Variants in ATG7 observed in about 807,000 individuals in gnomAD.
The protein encoded by ATG7 is autophagy related 7.
Under a neutral mutation model 82.4 loss-of-function variants are expected in ATG7, and 70 were observed. That is an observed-to-expected ratio of 0.85 (90% confidence interval 0.70 to 1.04). ATG7 has a LOEUF of 1.04. Among genes scored for constraint, ATG7 ranks in the 50% least tolerant of loss-of-function variants. The probability of loss-of-function intolerance (pLI) is 0.00; values close to 1 mark genes in which losing one functional copy is unlikely to be tolerated. For missense variants in ATG7, 792 were observed against 864.3 expected, an observed-to-expected ratio of 0.92 and a Z score of 1.05; for synonymous variants, 287 against 313.0, an observed-to-expected ratio of 0.92 and a Z score of 0.88.
At chr3:11,356,768 G>A (rs1366825051) in intron 14 of ATG7, among the ~76,000 whole-genome samples, 3 of 151,916 alleles carry the variant, frequency 2.0e-5, no homozygotes, top group Admixed American at 1.3e-4. Context: ...TGCTTATTAC[G>A]GCATTTGGTA....
chr3:11,309,040 G>A lies in ATG7; in HGVS notation c.390G>A (p.Lys130=). 6.2e-7 allele frequency: 1 copy of A among 1,613,968 alleles called. No homozygotes were observed. Among genetic ancestry groups the A allele is most frequent in the Non-Finnish European group, 8.5e-7 (1 of 1,179,826 alleles). The change falls in exon 7 of 21, where the codon AAG becomes AAA. Residue 130 remains lysine, a synonymous_variant. Coordinates refer to ENST00000693202, the MANE Select transcript of ATG7 (RefSeq NM_001349232.2). ...TALENPVLLN[K]FLLLTFADLK... Reference sequence around the variant, plus strand: ...TTGAAAACCCTGTACTCCTCAACAAGTTCCTCCTCTTGACATTTGCAGTAA... The same window carrying A: ...TTGAAAACCCTGTACTCCTCAACAAATTCCTCCTCTTGACATTTGCAGTAA...
chr3:11,547,210 C>T (rs886828751), intron 20 of ATG7, among the ~76,000 whole-genome samples: 3 of 152,198 alleles, frequency 2.0e-5, no homozygotes, highest in Admixed American at 6.5e-5. Flanking sequence ...CCTCTTCCTT[C>T]GCCCTTGCTA....
intron 19 of ATG7, among the ~76,000 whole-genome samples, chr3:11,395,900 A>G (rs1284863235): frequency 7.3e-6 from 1 of 137,862 alleles, no homozygotes; most frequent in African/African-American, 2.7e-5. Flanking sequence ...AGGTCACACC[A>G]CTATACTCCA....
intron 1 of ATG7, among the ~76,000 whole-genome samples, chr3:11,277,631 A>G (rs548185841): frequency 5.9e-5 from 9 of 152,336 alleles, no homozygotes; most frequent in Admixed American, 3.3e-4. Context: ...CAAAGATCAC[A>G]TGCTTCTGAG....
chr3:11,477,496 G>A (rs796161272), intron 20 of ATG7, among the ~76,000 whole-genome samples: 3 of 152,268 alleles, frequency 2.0e-5, no homozygotes, highest in African/African-American at 7.2e-5. Context: ...TATATAAATT[G>A]ATACAGGATG....
chr3:11,433,638 C>T (rs1255647235), intron 20 of ATG7, among the ~76,000 whole-genome samples: 1 of 152,166 alleles, frequency 6.6e-6, no homozygotes, highest in East Asian at 1.9e-4. Context: ...TACTTCATTC[C>T]TATTCATGAA....
intron 19 of ATG7, among the ~76,000 whole-genome samples, chr3:11,392,652 G>A (rs1232409947): frequency 2.0e-5 from 3 of 152,146 alleles, no homozygotes; most frequent in East Asian, 1.9e-4. Flanking sequence ...CTCTTGGAGG[G>A]CCTGGGATGG....
At chr3:11,457,392 C>T (rs1157843819) in intron 20 of ATG7, among the ~76,000 whole-genome samples, 4 of 152,080 alleles carry the variant, frequency 2.6e-5, no homozygotes, top group African/African-American at 9.7e-5. Flanking sequence ...TAATGACACA[C>T]ACAAGATAGA....
intron 20 of ATG7, among the ~76,000 whole-genome samples, chr3:11,507,777 A>G (rs2091819460): frequency 6.6e-6 from 1 of 152,130 alleles, no homozygotes; most frequent in Non-Finnish European, 1.5e-5. Flanking sequence ...TTTTAAGTCC[A>G]CACTCTAGAT....
chr3:11,546,475 T>C (rs916515156), intron 20 of ATG7, among the ~76,000 whole-genome samples: 3 of 152,230 alleles, frequency 2.0e-5, no homozygotes, highest in African/African-American at 7.2e-5. Context: ...CCCAGCCTTA[T>C]TTTAAATGTT....
intron 20 of ATG7, among the ~76,000 whole-genome samples, chr3:11,491,696 G>A (rs2153048229): frequency 6.6e-6 from 1 of 152,262 alleles, no homozygotes; most frequent in East Asian, 1.9e-4. Context: ...TAACAGACAG[G>A]ACCCTCAGCT....
intron 19 of ATG7, among the ~76,000 whole-genome samples, chr3:11,395,532 C>T (rs889564599): frequency 3.9e-5 from 6 of 152,140 alleles, no homozygotes; most frequent in Non-Finnish European, 1.5e-5. Flanking sequence ...GAATGATGGT[C>T]AGGCTTACAG....
At position 11,337,323 on chromosome 3, in the gene ATG7, C is replaced by T. The variant is rs976234510; in HGVS notation, c.890-3322C>T. ...CAAAAATTAGCTGGGCATGGTGGTG[C>T]GCACCTGTAGTCGCAGCTACTCAGG... On this transcript the variant is annotated intron_variant, in intron 11 of 20. Coordinates refer to ENST00000693202, the MANE Select transcript of ATG7 (RefSeq NM_001349232.2). 2.6e-5 allele frequency among the ~76,000 whole-genome samples: 4 copies of T among 152,054 alleles called. No individual in the cohort carries two copies. The South Asian group carries it at 6.2e-4, about 24-fold the overall frequency.
chr3:11,299,469 G>A, intron 5 of ATG7, 53 bp downstream of exon 5: 1 of 1,529,330 alleles, frequency 6.5e-7, no homozygotes, highest in Non-Finnish European at 9.1e-7. Context: ...TTTTGGCAAG[G>A]AATAAGCATG....
chr3:11,399,099 G>A (rs1553643038), intron 19 of ATG7, among the ~76,000 whole-genome samples: 1 of 152,176 alleles, frequency 6.6e-6, no homozygotes. Flanking sequence ...TGTAATCCCA[G>A]CACTTGGGGA....
chr3:11,512,113 A>G (rs186194398), intron 20 of ATG7, among the ~76,000 whole-genome samples: 26 of 152,294 alleles, frequency 1.7e-4, no homozygotes, highest in Admixed American at 1.6e-3. Flanking sequence ...GGGAGGTGCC[A>G]AGAGCAAGCG....
chr3:11,417,814 T>A (rs1193096175), intron 19 of ATG7, among the ~76,000 whole-genome samples: 2 of 38,602 alleles, frequency 5.2e-5, no homozygotes, highest in African/African-American at 1.3e-4. Flanking sequence ...TATTTTATTT[T>A]ATTTTTTTTT....
chr3:11,441,532 G>A (rs1358329617), intron 20 of ATG7, among the ~76,000 whole-genome samples: 5 of 151,864 alleles, frequency 3.3e-5, no homozygotes, highest in African/African-American at 7.3e-5. Flanking sequence ...GTGAGTCACC[G>A]CAACCAGCCT....
chr3:11,340,642 A>G lies in ATG7; in HGVS notation c.890-3A>G, dbSNP rs1428435088. 6.2e-7 allele frequency: 1 copy of G among 1,612,596 alleles called. No homozygotes were observed. The highest frequency in any genetic ancestry group is 8.5e-7 in the Non-Finnish European group (1 of 1,179,056). ...TTAAACTTTGTGTTTTATTTGCCTT[A>G]AGATTGTCCTAAAGCAGTTGGATGG... On this transcript the variant is annotated splice_polypyrimidine_tract_variant and splice_region_variant and intron_variant, in intron 11 of 20. Coordinates refer to ENST00000693202, the MANE Select transcript of ATG7 (RefSeq NM_001349232.2).
Sources: allele counts gnomAD v4.1 joint callset (sites outside exome capture counted in the v4.1 genomes callset), GRCh38; gene constraint gnomAD v4.1.1; transcripts MANE v1.5; gene names NCBI Gene and HGNC (gene_info 2026-07-23, HGNC 2026-07-21).